The following GRAMD1B variants were observed in gnomAD, a reference collection of about 807,000 sequenced individuals.
GRAMD1B encodes protein Aster-B.
GRAMD1B carries 37 observed loss-of-function variants against 99.7 expected under a neutral mutation model. The ratio of observed to expected loss-of-function variants is 0.37; its 90% CI spans 0.29 to 0.49. GRAMD1B has a LOEUF of 0.49. Ranked by LOEUF, GRAMD1B falls within the 20% of genes least tolerant of loss-of-function variation. The probability of loss-of-function intolerance (pLI) is 0.98; values close to 1 mark genes in which losing one functional copy is unlikely to be tolerated. For missense variants in GRAMD1B, 888 were observed against 1,009.2 expected (o/e 0.88, Z 1.63); for synonymous variants, 427 against 387.6 (o/e 1.10, Z -1.19).
At chr11:123,364,236 TGGACTC>T (rs1490985719) in intron 1 of GRAMD1B, among the ~76,000 whole-genome samples, 1 of 152,240 alleles carries the variant, frequency 6.6e-6, no homozygotes, top group African/African-American at 2.4e-5. Flanking sequence ...GTGGAACAGT[TGGACTC>T]GGAAAGGAGC....
intron 1 of GRAMD1B, among the ~76,000 whole-genome samples, chr11:123,473,741 T>C (rs142087875): frequency 2.6e-5 from 4 of 152,342 alleles, no homozygotes; most frequent in Non-Finnish European, 4.4e-5. Flanking sequence ...AGACAAATTC[T>C]CAATATTCAC....
At chr11:123,435,616 AC>A in intron 1 of GRAMD1B, 1 of 586,638 alleles carries the variant, frequency 1.7e-6, no homozygotes, top group East Asian at 2.8e-5. Context: ...TTGTATCGTC[AC>A]AGCACTGTAC....
At chr11:123,555,942 G>A (rs957543188) in intron 2 of GRAMD1B, among the ~76,000 whole-genome samples, 6 of 150,930 alleles carry the variant, frequency 4.0e-5, no homozygotes, top group African/African-American at 1.5e-4. Flanking sequence ...CCATGTTGCC[G>A]AGCCTGGTCT....
intron 2 of GRAMD1B, among the ~76,000 whole-genome samples, chr11:123,573,658 C>A (rs2136187267): frequency 6.6e-6 from 1 of 152,272 alleles, no homozygotes; most frequent in East Asian, 1.9e-4. Context: ...AAAAATGGGA[C>A]TAATAATACT....
At chr11:123,546,909 T>C (rs932388281) in intron 2 of GRAMD1B, among the ~76,000 whole-genome samples, 3 of 152,076 alleles carry the variant, frequency 2.0e-5, no homozygotes, top group African/African-American at 7.2e-5. Context: ...GGTGGGGGTT[T>C]GGACACCTTT....
intron 2 of GRAMD1B, among the ~76,000 whole-genome samples, chr11:123,530,097 G>A (rs1421609360): frequency 6.6e-6 from 1 of 152,144 alleles, no homozygotes; most frequent in Non-Finnish European, 1.5e-5. Context: ...CTCCATGTTC[G>A]AGTGGGTGAG....
intron 2 of GRAMD1B, among the ~76,000 whole-genome samples, chr11:123,505,121 C>T (rs1440497637): frequency 6.6e-6 from 1 of 152,084 alleles, no homozygotes; most frequent in East Asian, 1.9e-4. Flanking sequence ...GTTGTATTTC[C>T]TTATTCCTCT....
At chr11:123,476,325 T>C (rs1951272344) in intron 1 of GRAMD1B, among the ~76,000 whole-genome samples, 1 of 152,188 alleles carries the variant, frequency 6.6e-6, no homozygotes, top group African/African-American at 2.4e-5. Context: ...GGTCTCGAAC[T>C]CCTTACTTCA....
At chr11:123,578,751 C>T (rs1296063025) in intron 3 of GRAMD1B, among the ~76,000 whole-genome samples, 2 of 152,168 alleles carry the variant, frequency 1.3e-5, no homozygotes, top group Admixed American at 6.5e-5. Context: ...CAGAGCCCTG[C>T]CTGGCGTTAG....
intron 2 of GRAMD1B, among the ~76,000 whole-genome samples, chr11:123,515,495 A>T (rs189181512): frequency 6.6e-6 from 1 of 152,240 alleles, no homozygotes; most frequent in Non-Finnish European, 1.5e-5. Flanking sequence ...AATCCAAAAA[A>T]ATCAGATGCC....
At chr11:123,412,850 CGGCTTACTGCAACGTCTACCTCCTG>C (rs559143824) in intron 1 of GRAMD1B, among the ~76,000 whole-genome samples, 1 of 152,186 alleles carries the variant, frequency 6.6e-6, no homozygotes, top group African/African-American at 2.4e-5. Flanking sequence ...GGCGCGATCT[CGGCTTACTGCAACGTCTACCTCCTG>C]GGTTCAAGTG....
chr11:123,447,672 T>G (rs1319094188), intron 1 of GRAMD1B, among the ~76,000 whole-genome samples: 1 of 152,252 alleles, frequency 6.6e-6, no homozygotes, highest in Non-Finnish European at 1.5e-5. Flanking sequence ...TGTACATTTC[T>G]GTTTCATCTT....
chr11:123,610,106 G>GT lies in GRAMD1B; in HGVS notation c.1777-89dup. 1.6e-6 allele frequency: 2 copies of GT among 1,214,256 alleles called. No individual in the cohort carries two copies. Among genetic ancestry groups the GT allele is most frequent in the South Asian group, 2.7e-5 (2 of 75,110 alleles). 75.2% of individuals were successfully genotyped at this position (1,214,256 alleles called of 1,614,324 possible). On this transcript the variant is annotated intron_variant, in intron 13 of 19. Transcript: ENST00000635736. This position sits in a 1 kb window ranked among gnomAD's most constrained non-coding sequence, Gnocchi z 4.1. ...GGTTCTCCTGTTCAGAAGCCGTGGG[G>GT]TGGGGTGGGCTTGGGGAGGCTGGAG...
chr11:123,462,891 T>A (rs10649537), intron 1 of GRAMD1B, among the ~76,000 whole-genome samples: 66,854 of 110,726 alleles, frequency 0.6, 18,745 homozygotes, highest in East Asian at 0.95. Flanking sequence ...AAAAATAAAT[T>A]AAAAAAAAAA....
intron 1 of GRAMD1B, among the ~76,000 whole-genome samples, chr11:123,402,760 G>A (rs118083026): frequency 0.014 from 2,078 of 152,146 alleles, 35 homozygotes; most frequent in Non-Finnish European, 0.016. Flanking sequence ...TTCTAGCTCC[G>A]TGAGGAAGTA....
rs11219210 is a variant in GRAMD1B, at chr11:123,624,297, T to G, written c.*1702T>G. On this transcript the variant is annotated 3_prime_UTR_variant, in exon 20 of 20. Transcript: ENST00000635736. ...ACCCCAAAGATAAAGTTGTATTTTTTTCTTAGAATGGCCTTTAATTCCCTG... is the reference window on the plus strand; with the variant it reads ...ACCCCAAAGATAAAGTTGTATTTTTGTCTTAGAATGGCCTTTAATTCCCTG... 2 of 152,068 alleles carry G rather than the reference T, an allele frequency of 1.3e-5. No homozygotes were observed. Among genetic ancestry groups the G allele is most frequent in the Non-Finnish European group, 2.9e-5 (2 of 68,030 alleles). The allele number at this position is 152,068 out of a possible 1,614,324, so 9.4% of individuals were successfully genotyped here. A position where few individuals can be genotyped will look rare whatever the true frequency, so the allele number is the denominator to read the frequency against.
chr11:123,472,984 GAA>G (rs1157178398), intron 1 of GRAMD1B, among the ~76,000 whole-genome samples: 1 of 152,210 alleles, frequency 6.6e-6, no homozygotes, highest in Admixed American at 6.5e-5. Context: ...TGTTAGAAAA[GAA>G]AATGATTTGG....
At chr11:123,594,199 G>A (rs1418792379) in intron 5 of GRAMD1B, 33 bp downstream of exon 5, 1 of 1,434,706 alleles carries the variant, frequency 7.0e-7, no homozygotes, top group East Asian at 2.3e-5. Flanking sequence ...GGATGGGAAG[G>A]AAGTCTGGGG....
In GRAMD1B at chr11:123,521,473, A is replaced by G. The variant is rs546258722; in HGVS notation, c.452+40580A>G. ...ATATATGTTGCACATATTTTCTCTT[A>G]GAACAGCTTTGTCTTTTCTCTCTAT... On this transcript the variant is annotated intron_variant, in intron 2 of 19. Coordinates refer to ENST00000635736, the MANE Select transcript of GRAMD1B (RefSeq NM_001387025.1). Among the ~76,000 whole-genome samples, 20 of 152,312 alleles carry G rather than the reference A, an allele frequency of 1.3e-4. 1 individual carries two copies. In the South Asian group the frequency reaches 4.1e-3, roughly 32 times the overall value.
Sources: gnomAD v4.1 joint callset for allele counts (sites outside exome capture counted in the v4.1 genomes callset) on GRCh38, gnomAD v4.1.1 for gene constraint, Gnocchi (gnomAD v3.1) non-coding constraint, MANE v1.5 for transcripts, NCBI Gene and HGNC (gene_info 2026-07-23, HGNC 2026-07-21) for gene names.